DNAH7: variants seen among roughly 807,000 people sequenced by gnomAD.
The protein encoded by DNAH7 is axonemal beta dynein heavy chain 7.
In DNAH7, 397 loss-of-function variants were observed where a neutral mutation model predicts 444.6. The observed-to-expected ratio is 0.89, with a 90% confidence interval of 0.82 to 0.97. The LOEUF (loss-of-function observed/expected upper bound fraction) is 0.97. Ranked by LOEUF, DNAH7 falls within the 50% of genes least tolerant of loss-of-function variation. The pLI, the probability that DNAH7 is intolerant of heterozygous loss-of-function variation, is 0.00. For synonymous variants in DNAH7, 1,636 were observed against 1,624.4 expected (o/e 1.01, Z -0.17); for missense variants, 4,902 against 4,800.8 (o/e 1.02, Z -0.62).
intron 24 of DNAH7, among the ~76,000 whole-genome samples, chr2:195,910,534 T>C (rs902531597): frequency 3.3e-5 from 5 of 152,068 alleles, no homozygotes; most frequent in African/African-American, 1.2e-4. Context: ...AAACAAATAA[T>C]AATTTAAAAT....
chr2:195,960,944 A>C lies in DNAH7; in HGVS notation c.2207T>G (p.Ile736Ser), dbSNP rs949064161. The C allele has an allele frequency of 1.3e-6, 2 of 1,575,594 alleles. No individual in the cohort carries two copies. Among genetic ancestry groups the C allele is most frequent in the African/African-American group, 2.7e-5 (2 of 73,526 alleles). Residue 736 changes from isoleucine to serine, a missense_variant and splice_region_variant, in exon 18 of 65, where the codon ATT becomes AGT. Coordinates refer to ENST00000312428, the MANE Select transcript of DNAH7 (RefSeq NM_018897.3). ...NGKLDLAADK[I>S]EQFNAEEEAF... ...TTCCTCTTCAGCATTAAACTGCTCA[A>C]TCTGAAAGGATAAGTATTGAATATA...
chr2:195,876,724 G>T, intron 36 of DNAH7, 25 bp from the exon 37 acceptor site: 5 of 1,465,644 alleles, frequency 3.4e-6, no homozygotes, highest in Non-Finnish European at 3.8e-6. Context: ...AATAAAATGA[G>T]CCATAGTTGG....
chr2:195,783,307 T>C (rs1384932981), intron 58 of DNAH7, among the ~76,000 whole-genome samples: 4 of 152,236 alleles, frequency 2.6e-5, no homozygotes, highest in African/African-American at 9.6e-5. Flanking sequence ...TACTTTTCTA[T>C]GACACCAATA....
intron 14 of DNAH7, among the ~76,000 whole-genome samples, chr2:195,985,365 T>C (rs1446913434): frequency 6.6e-6 from 1 of 152,084 alleles, no homozygotes; most frequent in East Asian, 1.9e-4. Flanking sequence ...CCAACATGTT[T>C]GTAACCTTCA....
intron 19 of DNAH7, among the ~76,000 whole-genome samples, chr2:195,950,975 T>C (rs150021834): frequency 0.017 from 2,558 of 151,900 alleles, 65 homozygotes; most frequent in African/African-American, 0.058. Flanking sequence ...TGTCTTCTGC[T>C]AGCTTTTGAA....
intron 19 of DNAH7, among the ~76,000 whole-genome samples, chr2:195,942,582 A>C (rs1689531710): frequency 6.6e-6 from 1 of 152,056 alleles, no homozygotes. Context: ...CAGATCAAGA[A>C]CTTCCCATTT....
At chr2:195,963,919 A>G (rs1691285444) in intron 17 of DNAH7, among the ~76,000 whole-genome samples, 1 of 152,196 alleles carries the variant, frequency 6.6e-6, no homozygotes, top group Non-Finnish European at 1.5e-5. Flanking sequence ...AATTTACTGT[A>G]GATTTATGAA....
chr2:196,028,010 C>G lies in DNAH7; in HGVS notation c.436G>C (p.Gly146Arg). Reference protein sequence around the residue: ...DADLDSAVPDGSTIPKPTASA... With the variant: ...DADLDSAVPDRSTIPKPTASA... ...GCGGTCGGTTTTGGAATTGTGCTTC[C>G]ATCAGGGACAGCTGAGTCTAAGTCA... is the stretch of plus-strand genomic sequence containing the variant. The change falls in exon 6 of 65, where the codon GGA becomes CGA. Residue 146 changes from glycine (G) to arginine (R), a missense_variant. Gly to Arg is a moderately radical substitution (Grantham distance 125). Transcript: ENST00000312428. The G allele has an allele frequency of 6.2e-7, 1 of 1,611,198 alleles. No homozygotes were observed. Among genetic ancestry groups the G allele is most frequent in the Non-Finnish European group, 8.5e-7 (1 of 1,178,470 alleles).
At chr2:195,959,701 T>C (rs562981444) in intron 18 of DNAH7, among the ~76,000 whole-genome samples, 17 of 152,284 alleles carry the variant, frequency 1.1e-4, no homozygotes, top group East Asian at 3.9e-4. Context: ...ACTGGAAACA[T>C]TGACAGACAG....
intron 33 of DNAH7, 134 bp from the exon 34 acceptor site, chr2:195,886,406 G>A (rs2125199456): frequency 1.4e-6 from 1 of 734,358 alleles, no homozygotes; most frequent in Non-Finnish European, 2.1e-6. Context: ...CCTACGAGTA[G>A]GTACTATTAT....
chr2:196,022,182 T>C (rs1424642224), intron 8 of DNAH7, among the ~76,000 whole-genome samples: 1 of 152,194 alleles, frequency 6.6e-6, no homozygotes, highest in Non-Finnish European at 1.5e-5. Flanking sequence ...CACAAAATAC[T>C]AACAATCATC....
chr2:195,901,057 T>A (rs1686675948), intron 27 of DNAH7: 1 of 152,198 alleles, frequency 6.6e-6, no homozygotes, highest in South Asian at 2.1e-4. Flanking sequence ...TTTATACCTT[T>A]TCTACAATAG....
intron 10 of DNAH7, 88 bp from the exon 11 acceptor site, chr2:196,001,946 T>C: frequency 9.3e-7 from 1 of 1,076,180 alleles, no homozygotes; most frequent in Admixed American, 2.9e-5. Context: ...TCTGGACATC[T>C]AAAGGTCTTC....
chr2:195,760,155 A>AG (rs1275882275), intron 61 of DNAH7, among the ~76,000 whole-genome samples: 1 of 152,194 alleles, frequency 6.6e-6, no homozygotes, highest in Non-Finnish European at 1.5e-5. Flanking sequence ...TGGCAGCTAC[A>AG]GGGAGAGGCT....
At chr2:195,750,023 ATAAAT>A (rs1693701770) in intron 63 of DNAH7, among the ~76,000 whole-genome samples, 1 of 152,026 alleles carries the variant, frequency 6.6e-6, no homozygotes, top group Non-Finnish European at 1.5e-5. Context: ...AAATAAATAA[ATAAAT>A]TAAGCCTGGA....
chr2:195,756,349 C>T, intron 61 of DNAH7, 64 bp from the exon 62 acceptor site: 1 of 1,313,878 alleles, frequency 7.6e-7, no homozygotes, highest in Non-Finnish European at 1.0e-6. Context: ...AAGCAACCAC[C>T]TTTTAAATAC....
chr2:195,959,263 T>C (rs191003791), intron 18 of DNAH7, among the ~76,000 whole-genome samples: 207 of 152,290 alleles, frequency 1.4e-3, no homozygotes, highest in Non-Finnish European at 2.4e-3. Context: ...TCAATGCTTA[T>C]CACTGAATTT....
intron 21 of DNAH7, among the ~76,000 whole-genome samples, chr2:195,931,741 G>A (rs1688709951): frequency 6.6e-6 from 1 of 152,100 alleles, no homozygotes; most frequent in South Asian, 2.1e-4. Context: ...GTAAATATGT[G>A]GCATTATTTC....
At chr2:195,819,645 C>T (rs1697368205) in intron 49 of DNAH7, among the ~76,000 whole-genome samples, 1 of 152,092 alleles carries the variant, frequency 6.6e-6, no homozygotes, top group African/African-American at 2.4e-5. Flanking sequence ...GGGATAAGGA[C>T]TCTGAGAGTG....
Sources: gnomAD v4.1 joint callset for allele counts (sites outside exome capture counted in the v4.1 genomes callset) on GRCh38, gnomAD v4.1.1 for gene constraint, MANE v1.5 for transcripts, NCBI Gene and HGNC (gene_info 2026-07-23, HGNC 2026-07-21) for gene names.